Variants in WNT7B observed in about 807,000 individuals in gnomAD.
WNT7B encodes the protein Wnt family member 7B.
Under a neutral mutation model 38.2 loss-of-function variants are expected in WNT7B, and 19 were observed. The ratio of observed to expected loss-of-function variants is 0.50; its 90% CI spans 0.35 to 0.73. The LOEUF is 0.73. Ranked by LOEUF, WNT7B falls within the 30% of genes least tolerant of loss-of-function variation. The pLI is 0.01. For missense variants in WNT7B, 423 were observed against 507.9 expected, an observed-to-expected ratio of 0.83 and a Z score of 1.61; for synonymous variants, 243 against 209.3, an observed-to-expected ratio of 1.16 and a Z score of -1.39.
At chr22:45,940,971 C>A (rs1931631423) in intron 2 of WNT7B, among the ~76,000 whole-genome samples, 1 of 152,176 alleles carries the variant, frequency 6.6e-6, no homozygotes, top group Non-Finnish European at 1.5e-5. Flanking sequence ...GGGGCTGTAC[C>A]ATGTTGCCCT....
At chr22:45,925,510 C>T (rs921180207) in intron 3 of WNT7B, 1 of 985,122 alleles carries the variant, frequency 1.0e-6, no homozygotes, top group Non-Finnish European at 1.2e-6. Context: ...AGGTCATGGG[C>T]CAGAGCCTGG....
chr22:45,923,424 G>A (rs1930989863), intron 3 of WNT7B, 89 bp from the exon 4 acceptor site: 2 of 1,493,254 alleles, frequency 1.3e-6, no homozygotes, highest in Non-Finnish European at 8.9e-7. Context: ...CCCAGCCCTG[G>A]AGCCCGCTCC....
chr22:45,969,767 C>A (rs540481106), intron 1 of WNT7B, among the ~76,000 whole-genome samples: 1 of 152,344 alleles, frequency 6.6e-6, no homozygotes, highest in African/African-American at 2.4e-5. Flanking sequence ...TGTCAGCCAG[C>A]GTCTGGGATC....
In WNT7B at chr22:45,920,594, C is replaced by T. The variant is rs1455585990; in HGVS notation, c.*2262G>A. On this transcript the variant is annotated 3_prime_UTR_variant, in exon 4 of 4. Coordinates refer to ENST00000339464, the MANE Select transcript of WNT7B (RefSeq NM_058238.3). ...CGAGTGTCTCGGTGGCATCAGGGGC[C>T]CCAAGGGTCTGTTGAAGCAGGAGGA... The T allele has an allele frequency of 4.3e-5, 6 of 139,836 alleles. No homozygotes were observed. The highest frequency in any genetic ancestry group is 1.1e-4 in the African/African-American group (4 of 37,186). 8.7% of individuals were successfully genotyped at this position (139,836 alleles called of 1,614,324 possible).
chr22:45,922,704 G>A lies in WNT7B; in HGVS notation c.*152C>T. ...CCCAGGGAGGCGGGCAGAGGGCGTG[G>A]GCCCCGGCCGGTGCCCTCCTGCACC... On this transcript the variant is annotated 3_prime_UTR_variant, in exon 4 of 4. Transcript: ENST00000339464. 2 of 1,274,964 alleles carry A rather than the reference G, an allele frequency of 1.6e-6. No homozygotes were observed. Among genetic ancestry groups the A allele is most frequent in the Non-Finnish European group, 2.1e-6 (2 of 949,352 alleles). The allele number at this position is 1,274,964 out of a possible 1,614,324, so 79.0% of individuals were successfully genotyped here.
chr22:45,936,203 G>C (rs1330654105), intron 2 of WNT7B: 13 of 981,204 alleles, frequency 1.3e-5, no homozygotes, highest in Non-Finnish European at 1.6e-5. Context: ...CAAGTTACCA[G>C]CCCTCTCTGA....
intron 1 of WNT7B, among the ~76,000 whole-genome samples, chr22:45,955,652 G>A (rs1412445384): frequency 2.0e-5 from 3 of 152,176 alleles, no homozygotes; most frequent in Admixed American, 6.5e-5. Flanking sequence ...TTCTGCCCCC[G>A]GCTCATCCCC....
rs1204827248 is a variant in WNT7B, at chr22:45,941,667, G to A, written c.298+8253C>T. ...GGCTTAAGGTGCCCAGGGATGGCAG[G>A]AGAGAGGCGAGGGGCAGGTGGGAAC... On this transcript the variant is annotated intron_variant, in intron 2 of 3. Transcript: ENST00000339464. Among the ~76,000 whole-genome samples, 4 of 152,182 alleles carry A rather than the reference G, an allele frequency of 2.6e-5. No homozygotes were observed. In the East Asian group the frequency reaches 7.7e-4, roughly 29 times the overall value.
In WNT7B at chr22:45,972,909, G is replaced by A. The variant is rs117679438; in HGVS notation, c.71+3775C>T. Reference sequence around the variant, plus strand: ...CTGCGGGAGCGTGGGCAGTCTGTGAGGACAGGTGTGTGTGCACAGATGCAT... The same window carrying A: ...CTGCGGGAGCGTGGGCAGTCTGTGAAGACAGGTGTGTGTGCACAGATGCAT... On this transcript the variant is annotated intron_variant, in intron 1 of 3. Transcript: ENST00000339464. Among the ~76,000 whole-genome samples, 109 of 152,382 alleles carry A rather than the reference G, an allele frequency of 7.2e-4. 1 individual carries two copies. In the East Asian group the frequency reaches 0.02, roughly 28 times the overall value.
intron 2 of WNT7B, among the ~76,000 whole-genome samples, chr22:45,944,942 C>T (rs1931758985): frequency 6.6e-6 from 1 of 152,230 alleles, no homozygotes; most frequent in African/African-American, 2.4e-5. Flanking sequence ...GTCCCGTCTG[C>T]CCCTGACCAG....
At chr22:45,933,251 C>G (rs1014510108) in intron 2 of WNT7B, among the ~76,000 whole-genome samples, 2 of 152,162 alleles carry the variant, frequency 1.3e-5, no homozygotes, top group African/African-American at 4.8e-5. Flanking sequence ...ATCCCTCCCT[C>G]CCCAGCAAGG....
intron 2 of WNT7B, among the ~76,000 whole-genome samples, chr22:45,948,992 G>T (rs1187639635): frequency 6.6e-6 from 1 of 151,920 alleles, no homozygotes; most frequent in Non-Finnish European, 1.5e-5. Context: ...GGGATTGTCT[G>T]GCTAATTTTT....
chr22:45,943,632 C>T lies in WNT7B; in HGVS notation c.298+6288G>A, dbSNP rs374882726. Among the ~76,000 whole-genome samples, 13 of 152,300 alleles carry T rather than the reference C, an allele frequency of 8.5e-5. No individual in the cohort carries two copies. In the East Asian group the frequency reaches 1.7e-3, roughly 20 times the overall value. On this transcript the variant is annotated intron_variant, in intron 2 of 3. Coordinates refer to ENST00000339464, the MANE Select transcript of WNT7B (RefSeq NM_058238.3). ...GGGCCTCTCAGCACCTGGATCCTGG[C>T]GGGCGGTTCCCTGAGAGCCTGCGGG... is the stretch of plus-strand genomic sequence containing the variant.
intron 3 of WNT7B, among the ~76,000 whole-genome samples, chr22:45,929,509 A>C (rs1027301979): frequency 4.0e-4 from 11 of 27,538 alleles, no homozygotes; most frequent in African/African-American, 1.5e-3. Context: ...CCCACCCACC[A>C]ATACTTCCGT....
chr22:45,959,699 C>T (rs1375991491), intron 1 of WNT7B, among the ~76,000 whole-genome samples: 2 of 152,154 alleles, frequency 1.3e-5, no homozygotes, highest in Non-Finnish European at 2.9e-5. Context: ...GGTGGACCCC[C>T]GCTCTCCCGC....
At chr22:45,927,494 CTTTATT>C in intron 3 of WNT7B, 1 of 1,549,654 alleles carries the variant, frequency 6.5e-7, no homozygotes, top group Non-Finnish European at 8.7e-7. Context: ...CGGCAAGTGA[CTTTATT>C]TGGAAGTAGG....
In WNT7B at chr22:45,950,156, G is replaced by A. The variant is rs1466844177; in HGVS notation, c.72-10C>T. 6.2e-7 allele frequency: 1 copy of A among 1,609,030 alleles called. No homozygotes were observed. Among genetic ancestry groups the A allele is most frequent in the Non-Finnish European group, 8.5e-7 (1 of 1,176,254 alleles). The stretch of plus-strand genomic sequence containing the variant: ...CACGGATGACAGTGCTCTGTGGAGG[G>A]GAGGAGACAGAGGCCGTGAGACGGC... On this transcript the variant is annotated splice_polypyrimidine_tract_variant and intron_variant, in intron 1 of 3. Transcript: ENST00000339464.
At chr22:45,960,713 C>T (rs535714781) in intron 1 of WNT7B, among the ~76,000 whole-genome samples, 73 of 152,362 alleles carry the variant, frequency 4.8e-4, no homozygotes, top group African/African-American at 1.5e-3. Context: ...GCCAGGGAGG[C>T]GGGCCTGGGT....
chr22:45,954,683 C>G, intron 1 of WNT7B: 1 of 985,240 alleles, frequency 1.0e-6, no homozygotes, highest in Non-Finnish European at 1.2e-6. Flanking sequence ...GTATTTTGTG[C>G]CAGGAGTATA....
Sources: gnomAD v4.1 joint callset for allele counts (sites outside exome capture counted in the v4.1 genomes callset) on GRCh38, gnomAD v4.1.1 for gene constraint, MANE v1.5 for transcripts, NCBI Gene and HGNC (gene_info 2026-07-23, HGNC 2026-07-21) for gene names.